The following BCORL1 variants were observed in gnomAD, a reference collection of about 807,000 sequenced individuals.
BCORL1 encodes BCL6 corepressor like 1.
Under a neutral mutation model 87.6 loss-of-function variants are expected in BCORL1, and 7 were observed. The observed-to-expected ratio is 0.08, with a 90% CI of 0.05 to 0.15. The LOEUF is 0.15. Ranked by LOEUF, BCORL1 falls within the 10% of genes least tolerant of loss-of-function variation. The pLI, the probability that BCORL1 is intolerant of heterozygous loss-of-function variation, is 1.00. For synonymous variants in BCORL1, 591 were observed against 634.4 expected (o/e 0.93, Z 1.03); for missense variants, 1,215 against 1,499.7 (o/e 0.81, Z 3.13).
intron 8 of BCORL1, among the ~76,000 whole-genome samples, chrX:130,033,086 T>C (rs751911644): frequency 5.4e-4 from 55 of 102,335 alleles, no homozygotes; most frequent in African/African-American, 1.2e-3. Context: ...TCTTCTCTCT[T>C]TTTTTTTTTT....
chrX:130,038,339 T>A (rs1931079961), intron 10 of BCORL1, among the ~76,000 whole-genome samples: 1 of 111,772 alleles, frequency 8.9e-6, no homozygotes, highest in Admixed American at 9.5e-5. Context: ...CCTGGGCAAA[T>A]TAGAGACAGG....
intron 1 of BCORL1, among the ~76,000 whole-genome samples, chrX:129,984,214 C>CGCAGCCGTT (rs1290944051): frequency 9.5e-6 from 1 of 105,184 alleles, no homozygotes; most frequent in Admixed American, 9.9e-5. Flanking sequence ...CTGGGGCCGC[C>CGCAGCCGTT]GCAGCCGTTG....
intron 4 of BCORL1, among the ~76,000 whole-genome samples, chrX:130,020,361 T>G (rs776128411): frequency 1.8e-5 from 2 of 112,265 alleles, no homozygotes; most frequent in Non-Finnish European, 3.8e-5. Flanking sequence ...TTGGAAAGGC[T>G]GAAAGTGCTA....
At position 130,011,035 on chromosome X, in the gene BCORL1, A is replaced by G. The variant is rs1408419364; in HGVS notation, c.87-1543A>G. On this transcript the variant is annotated intron_variant, in intron 2 of 13. Coordinates refer to ENST00000540052, the MANE Select transcript of BCORL1 (RefSeq NM_001379451.1). ...AAAAAAAAAAAAAAAAAAAAAAAAA[A>G]GAGGGAAAAAAGGAAAGAAAGAAGG... Among the ~76,000 whole-genome samples the G allele has an allele frequency of 1.6e-4, 14 of 87,979 alleles. No individual in the cohort carries two copies. In the East Asian group the frequency reaches 4.8e-3, roughly 30 times the overall value. 76.4% of individuals were successfully genotyped at this position (87,979 alleles called of 115,157 possible).
chrX:130,022,236 CTTTTT>C (rs34598574), intron 5 of BCORL1, among the ~76,000 whole-genome samples: 68 of 56,296 alleles, frequency 1.2e-3, no homozygotes, highest in African/African-American at 4.8e-3. Context: ...TTCTTTCTTT[CTTTTT>C]TTTTTTTTTT....
At chrX:130,012,768 G>A in intron 3 of BCORL1, 100 bp downstream of exon 3, 2 of 1,003,223 alleles carry the variant, frequency 2.0e-6, no homozygotes, top group Non-Finnish European at 2.8e-6. Context: ...GGGCAGGAAG[G>A]GACAGGGTCT....
intron 5 of BCORL1, among the ~76,000 whole-genome samples, chrX:130,022,258 T>A (rs1210569374): frequency 1.2e-5 from 1 of 84,249 alleles, no homozygotes; most frequent in Non-Finnish European, 2.3e-5. Flanking sequence ...TTTTTTTTTT[T>A]TTTTTTTGAG....
chrX:129,993,424 G>A (rs779224751), intron 1 of BCORL1, among the ~76,000 whole-genome samples: 8 of 112,685 alleles, frequency 7.1e-5, no homozygotes, highest in Non-Finnish European at 1.3e-4. Context: ...GCTGGCTCAC[G>A]CCTATAATCT....
chrX:130,056,100 A>G lies in BCORL1; in HGVS notation c.5322A>G (p.Leu1774=), dbSNP rs1932371067. 5.9e-6 allele frequency: 7 copies of G among 1,188,365 alleles called. No individual in the cohort carries two copies. Among genetic ancestry groups the G allele is most frequent in the Non-Finnish European group, 6.8e-6 (6 of 882,022 alleles). ...VRYEPDLLRL[L]GSEVEFQSCN... ...ACGAGCCAGACCTACTTCGGCTCCT[A>G]GGGTCCGAGGTGGAATTCCAGTCTT... Residue 1774 remains leucine, a synonymous_variant, in exon 14 of 14, where the codon CTA becomes CTG. Coordinates refer to ENST00000540052, the MANE Select transcript of BCORL1 (RefSeq NM_001379451.1).
At chrX:130,012,817 G>C in intron 3 of BCORL1, 133 bp from the exon 4 acceptor site, 1 of 1,043,032 alleles carries the variant, frequency 9.6e-7, no homozygotes, top group Non-Finnish European at 1.3e-6. Context: ...AAATTGGCTG[G>C]CTGCCCTCTG....
At chrX:130,052,589 C>T (rs1486528382) in intron 13 of BCORL1, among the ~76,000 whole-genome samples, 3 of 112,182 alleles carry the variant, frequency 2.7e-5, no homozygotes, top group African/African-American at 9.7e-5. Flanking sequence ...TTAGATTGAA[C>T]CCAATTTAAT....
At chrX:130,033,099 T>C (rs1279735939) in intron 8 of BCORL1, among the ~76,000 whole-genome samples, 1 of 106,047 alleles carries the variant, frequency 9.4e-6, no homozygotes, top group Non-Finnish European at 1.9e-5. Flanking sequence ...TTTTTTTTTT[T>C]GTAACAGAGT....
chrX:130,028,902 CG>C (rs1211191621), intron 8 of BCORL1, 41 bp downstream of exon 8: 7 of 406,044 alleles, frequency 1.7e-5, no homozygotes, highest in Non-Finnish European at 2.3e-5. Flanking sequence ...GTGTGTGTGG[CG>C]GGGGGTCAGA....
chrX:129,993,293 A>C (rs1008351463), intron 1 of BCORL1, among the ~76,000 whole-genome samples: 2 of 112,527 alleles, frequency 1.8e-5, no homozygotes, highest in Non-Finnish European at 3.8e-5. Flanking sequence ...GGAGTAAAGT[A>C]ATTTTCTTAC....
chrX:130,055,362 G>A (rs1414661587), intron 13 of BCORL1, among the ~76,000 whole-genome samples: 2 of 112,669 alleles, frequency 1.8e-5, no homozygotes, highest in East Asian at 2.8e-4. Context: ...CTTTCTCCAC[G>A]GCTCCCCCTC....
chrX:129,984,556 A>G (rs1218941384), intron 1 of BCORL1, among the ~76,000 whole-genome samples: 1 of 110,865 alleles, frequency 9.0e-6, no homozygotes, highest in Admixed American at 9.4e-5. Flanking sequence ...AGGGAGGTGA[A>G]CTGGTCGGTG....
intron 1 of BCORL1, among the ~76,000 whole-genome samples, chrX:129,984,465 A>G (rs1983189219): frequency 9.0e-6 from 1 of 110,954 alleles, no homozygotes; most frequent in Non-Finnish European, 1.9e-5. Flanking sequence ...GGGTCCCGCG[A>G]CTGGCCTCGT....
At chrX:130,047,676 C>T (rs997014021) in intron 11 of BCORL1, among the ~76,000 whole-genome samples, 3 of 111,766 alleles carry the variant, frequency 2.7e-5, no homozygotes, top group African/African-American at 9.8e-5. Flanking sequence ...GGACAGCAGT[C>T]ATTTGAATGC....
intron 5 of BCORL1, chrX:130,021,384 G>A (rs911047925): frequency 7.5e-6 from 4 of 530,965 alleles, no homozygotes; most frequent in African/African-American, 5.2e-5. Context: ...GTGGTTTTCC[G>A]ACACAAACAC....
Sources: allele counts gnomAD v4.1 joint callset (sites outside exome capture counted in the v4.1 genomes callset), GRCh38; gene constraint gnomAD v4.1.1; transcripts MANE v1.5; gene names NCBI Gene and HGNC (gene_info 2026-07-23, HGNC 2026-07-21).